The following CREB5 variants were observed in gnomAD, a reference collection of about 807,000 sequenced individuals.
The protein encoded by CREB5 is cAMP responsive element binding protein 5.
Under a neutral mutation model 57.1 loss-of-function variants are expected in CREB5, and 19 were observed. That is an observed-to-expected ratio of 0.33 (90% CI 0.23 to 0.49). The LOEUF (loss-of-function observed/expected upper bound fraction) is 0.49. Ranked by LOEUF, CREB5 falls within the 20% of genes least tolerant of loss-of-function variation. The pLI is 0.99. For synonymous variants in CREB5, 238 were observed against 238.3 expected, an observed-to-expected ratio of 1.00 and a Z score of 0.01; for missense variants, 579 against 671.6, an observed-to-expected ratio of 0.86 and a Z score of 1.52.
chr7:28,714,829 T>C lies in CREB5; in HGVS notation c.465-3924T>C, dbSNP rs574034767. Among the ~76,000 whole-genome samples the C allele has an allele frequency of 9.8e-4, 149 of 152,362 alleles. 1 individual carries two copies. Among genetic ancestry groups the C allele is most frequent in the Non-Finnish European group, 1.2e-4 (8 of 68,032 alleles). ...ACAATCCAACATGAGCTCACACATC[T>C]TACCTTGTTCCATGCCTCAATAATT... On this transcript the variant is annotated intron_variant, in intron 5 of 10. Transcript: ENST00000357727.
At chr7:28,495,391 A>G (rs1198731450) in intron 3 of CREB5, among the ~76,000 whole-genome samples, 2 of 151,920 alleles carry the variant, frequency 1.3e-5, no homozygotes, top group African/African-American at 4.8e-5. Flanking sequence ...AAAATACAAA[A>G]ATTAGCCGGG....
chr7:28,637,420 T>C (rs41310), intron 5 of CREB5, among the ~76,000 whole-genome samples: 134,343 of 152,126 alleles, frequency 0.88, 59,540 homozygotes, highest in East Asian at 0.98. Flanking sequence ...TTAGTGAGAA[T>C]GGCTGATAAA....
At chr7:28,366,880 A>G (rs965742477) in intron 1 of CREB5, among the ~76,000 whole-genome samples, 1 of 152,200 alleles carries the variant, frequency 6.6e-6, no homozygotes, top group Non-Finnish European at 1.5e-5. Flanking sequence ...AAGATTTGGG[A>G]CAGATGCAAG....
chr7:28,536,812 G>T (rs1473263383), intron 4 of CREB5, among the ~76,000 whole-genome samples: 1 of 152,144 alleles, frequency 6.6e-6, no homozygotes, highest in Non-Finnish European at 1.5e-5. Context: ...TAAAAAAGTA[G>T]CTATTTTATA....
intron 7 of CREB5, among the ~76,000 whole-genome samples, chr7:28,763,560 G>A (rs1262989220): frequency 6.6e-6 from 1 of 152,126 alleles, no homozygotes; most frequent in African/African-American, 2.4e-5. Context: ...TTAAAAGCGA[G>A]TCTTGCTACA....
At chr7:28,351,892 A>G (rs984886640) in intron 1 of CREB5, among the ~76,000 whole-genome samples, 1 of 152,244 alleles carries the variant, frequency 6.6e-6, no homozygotes, top group Admixed American at 6.5e-5. Flanking sequence ...TGAAAGGGAC[A>G]AATGTAAATT....
chr7:28,520,607 A>G (rs1275518037), intron 4 of CREB5, among the ~76,000 whole-genome samples: 1 of 152,232 alleles, frequency 6.6e-6, no homozygotes, highest in Non-Finnish European at 1.5e-5. Flanking sequence ...TATTTCAGCA[A>G]TGCCGAGCTC....
intron 4 of CREB5, among the ~76,000 whole-genome samples, chr7:28,551,747 C>T (rs192699911): frequency 6.6e-6 from 1 of 152,252 alleles, no homozygotes; most frequent in East Asian, 1.9e-4. Context: ...AGCTCTCACA[C>T]CTGCCATGCC....
chr7:28,354,610 G>T lies in CREB5; in HGVS notation c.-25+55169G>T, dbSNP rs902804266. 2.0e-5 allele frequency among the ~76,000 whole-genome samples: 3 copies of T among 152,126 alleles called. 1 individual carries two copies. In the South Asian group the frequency reaches 6.2e-4, roughly 32 times the overall value. On this transcript the variant is annotated intron_variant, in intron 1 of 9. Transcript: ENST00000396299. ...CCAGAGAACCCTGACTAATACAAAA[G>T]GTTACAACCTAATTCAAGCTCCCAC...
In CREB5 at chr7:28,600,200, T is replaced by A. The variant is rs184672843; in HGVS notation, c.464+29663T>A. On this transcript the variant is annotated intron_variant, in intron 5 of 10. Coordinates refer to ENST00000357727, the MANE Select transcript of CREB5 (RefSeq NM_182898.4). ...CTCTTCTTTTACACTTACCTCTCCTTGAGCTCCCTGATGTGCCTTGGTGGA... is the reference window on the plus strand; with the variant it reads ...CTCTTCTTTTACACTTACCTCTCCTAGAGCTCCCTGATGTGCCTTGGTGGA... 1.2e-4 allele frequency among the ~76,000 whole-genome samples: 18 copies of A among 152,234 alleles called. No individual in the cohort carries two copies. In the East Asian group the frequency reaches 3.5e-3, roughly 29 times the overall value.
chr7:28,823,630 C>A lies in CREB5; in HGVS notation c.*4351C>A, dbSNP rs1429380422. The A allele has an allele frequency of 1.3e-5, 2 of 152,190 alleles. No individual in the cohort carries two copies. Among genetic ancestry groups the A allele is most frequent in the Non-Finnish European group, 2.9e-5 (2 of 68,008 alleles). The allele number at this position is 152,190 out of a possible 1,614,324, so 9.4% of individuals were successfully genotyped here. A position where few individuals can be genotyped will look rare whatever the true frequency, so the allele number is the denominator to read the frequency against. On this transcript the variant is annotated 3_prime_UTR_variant, in exon 11 of 11. Transcript: ENST00000357727. ...TGTTCATTTTTAAAGTAAGCTCTTT[C>A]ATTTAGGAAGCAGAGTTCAGCTAAA... is the stretch of plus-strand genomic sequence containing the variant.
At chr7:28,723,755 C>A (rs1803178703) in intron 6 of CREB5, among the ~76,000 whole-genome samples, 1 of 152,094 alleles carries the variant, frequency 6.6e-6, no homozygotes, top group Admixed American at 6.6e-5. Context: ...CAAAAAAAGC[C>A]ATAGATTTCC....
chr7:28,541,395 C>T (rs761109121), intron 4 of CREB5, among the ~76,000 whole-genome samples: 19 of 152,106 alleles, frequency 1.2e-4, no homozygotes, highest in African/African-American at 3.9e-4. Flanking sequence ...TGGCCAGGTG[C>T]GGTGGCTCAC....
At chr7:28,601,185 AGGG>A (rs972076184) in intron 5 of CREB5, among the ~76,000 whole-genome samples, 1 of 151,612 alleles carries the variant, frequency 6.6e-6, no homozygotes, top group African/African-American at 2.4e-5. Flanking sequence ...TTTTTTGGAA[AGGG>A]GGGCTCCACA....
At chr7:28,359,461 C>T (rs891250652) in intron 1 of CREB5, among the ~76,000 whole-genome samples, 3 of 152,144 alleles carry the variant, frequency 2.0e-5, no homozygotes, top group Admixed American at 6.5e-5. Flanking sequence ...CAAGAACACA[C>T]AATGGGGAAA....
rs189217373 is a variant in CREB5 at position 28,565,382 on chromosome 7, G to T, written c.292-4983G>T. ...ATTGGTAAATTTGTTCGGACAGAAG[G>T]TCATATCTGTACCTTGAAAGTATCA... On this transcript the variant is annotated intron_variant, in intron 4 of 10. Transcript: ENST00000357727. 1.6e-4 allele frequency among the ~76,000 whole-genome samples: 24 copies of T among 152,290 alleles called. No homozygotes were observed. In the East Asian group the frequency reaches 4.1e-3, roughly 26 times the overall value.
intron 7 of CREB5, among the ~76,000 whole-genome samples, chr7:28,755,065 G>A (rs1379270289): frequency 6.6e-6 from 1 of 152,078 alleles, no homozygotes; most frequent in Non-Finnish European, 1.5e-5. Context: ...TTCATCTTGG[G>A]TATCAGTACT....
intron 7 of CREB5, among the ~76,000 whole-genome samples, chr7:28,781,966 G>A (rs1364826174): frequency 1.3e-5 from 2 of 149,068 alleles, no homozygotes; most frequent in Non-Finnish European, 3.0e-5. Flanking sequence ...GAATCTCACT[G>A]TATTGCACAG....
At chr7:28,428,577 A>G (rs1263719586) in intron 1 of CREB5, among the ~76,000 whole-genome samples, 1 of 152,164 alleles carries the variant, frequency 6.6e-6, no homozygotes, top group Admixed American at 6.5e-5. Context: ...ATATTAAGGT[A>G]TTTGACCTGA....
Sources: gnomAD v4.1 joint callset for allele counts (sites outside exome capture counted in the v4.1 genomes callset) on GRCh38, gnomAD v4.1.1 for gene constraint, MANE v1.5 for transcripts, NCBI Gene and HGNC (gene_info 2026-07-23, HGNC 2026-07-21) for gene names.